The following IQCH variants were observed in gnomAD, a reference collection of about 807,000 sequenced individuals.
IQCH encodes the protein IQ motif containing H.
IQCH carries 98 observed loss-of-function variants against 117.0 expected under a neutral mutation model. The observed-to-expected ratio is 0.84, with a 90% CI of 0.71 to 0.99. The LOEUF (loss-of-function observed/expected upper bound fraction) is 0.99. IQCH is among the 50% of genes least tolerant of loss of function. The pLI is 0.00. For synonymous variants in IQCH, 412 were observed against 448.2 expected, an observed-to-expected ratio of 0.92 and a Z score of 1.02; for missense variants, 1,102 against 1,243.8, an observed-to-expected ratio of 0.89 and a Z score of 1.72.
rs974493934 is a variant in IQCH at position 67,447,287 on chromosome 15, CCTT to C, written c.2506-17839_2506-17837del. On this transcript the variant is annotated intron_variant, in intron 16 of 20. Coordinates refer to ENST00000335894, the MANE Select transcript of IQCH (RefSeq NM_001031715.3). This position sits in a 1 kb window ranked among gnomAD's most constrained non-coding sequence, Gnocchi z 5.3. The stretch of plus-strand genomic sequence containing the variant: ...CCTCTTTCCTTTCCCAAGTCTCCCT[CCTT>C]GAGTCTGTCCTACATGGTAGCTGCA... Among the ~76,000 whole-genome samples the C allele has an allele frequency of 2.4e-4, 36 of 152,210 alleles. No individual in the cohort carries two copies. Among genetic ancestry groups the C allele is most frequent in the African/African-American group, 8.7e-4 (36 of 41,460 alleles).
At position 67,400,874 on chromosome 15, in the gene IQCH, T is replaced by A. The variant is rs142589741; in HGVS notation, c.2097+569T>A. ...ATTGATTATGATAATTAGGAAGTAA[T>A]TTTTTTTATCACATTCAGGTAACAT... On this transcript the variant is annotated intron_variant, in intron 14 of 20. Transcript: ENST00000335894. Among the ~76,000 whole-genome samples the A allele has an allele frequency of 1.9e-3, 284 of 151,892 alleles. 1 individual carries two copies. Among genetic ancestry groups the A allele is most frequent in the Middle Eastern group, 6.8e-3 (2 of 294 alleles).
intron 16 of IQCH, among the ~76,000 whole-genome samples, chr15:67,440,136 C>T (rs1444862437): frequency 6.6e-6 from 1 of 152,004 alleles, no homozygotes; most frequent in Non-Finnish European, 1.5e-5. Flanking sequence ...GGATAAATTC[C>T]TGGAAAAATA....
In IQCH at chr15:67,417,648, T is replaced by A. The variant is rs2081610443; in HGVS notation, c.2218+597T>A. On this transcript the variant is annotated intron_variant, in intron 15 of 20. Coordinates refer to ENST00000335894, the MANE Select transcript of IQCH (RefSeq NM_001031715.3). The surrounding 1 kb of genome is among the most constrained non-coding windows in gnomAD (Gnocchi z 4.3). ...CTCCTCCTACTTCATCCTCATTTCCTAACAACATTGGGTGGTCTATGAATG... is the reference window on the plus strand; with the variant it reads ...CTCCTCCTACTTCATCCTCATTTCCAAACAACATTGGGTGGTCTATGAATG... Among the ~76,000 whole-genome samples the A allele has an allele frequency of 6.6e-6, 1 of 152,140 alleles. No individual in the cohort carries two copies. Among genetic ancestry groups the A allele is most frequent in the Non-Finnish European group, 1.5e-5 (1 of 68,026 alleles).
At chr15:67,286,109 C>T (rs2140490276) in intron 4 of IQCH, among the ~76,000 whole-genome samples, 1 of 152,200 alleles carries the variant, frequency 6.6e-6, no homozygotes, top group Non-Finnish European at 1.5e-5. Context: ...TTTTCAATTT[C>T]TTCCATTAAT....
intron 6 of IQCH, among the ~76,000 whole-genome samples, chr15:67,344,735 A>G (rs1969312859): frequency 6.6e-6 from 1 of 152,246 alleles, no homozygotes; most frequent in Non-Finnish European, 1.5e-5. Flanking sequence ...TACTGATGTT[A>G]TTTAACTAAA....
rs569369362 is a variant in IQCH, at chr15:67,323,309, C to G, written c.388-13666C>G. ...CCAGGCTGGAGTGCAGTGGTGCGATCTCGGCTCACTGCAAGCTCTGCCTCC... is the reference window on the plus strand; with the variant it reads ...CCAGGCTGGAGTGCAGTGGTGCGATGTCGGCTCACTGCAAGCTCTGCCTCC... On this transcript the variant is annotated intron_variant, in intron 4 of 20. Transcript: ENST00000335894. 1.9e-4 allele frequency among the ~76,000 whole-genome samples: 25 copies of G among 129,062 alleles called. 1 individual carries two copies. In the Admixed American group the frequency reaches 2.3e-3, roughly 12 times the overall value. 84.7% of individuals were successfully genotyped at this position (129,062 alleles called of 152,430 possible).
intron 1 of IQCH, among the ~76,000 whole-genome samples, chr15:67,257,082 G>T (rs1340457835): frequency 1.3e-5 from 2 of 152,160 alleles, no homozygotes; most frequent in African/African-American, 4.8e-5. Context: ...CTAGTGGAAA[G>T]CACTTGATAG....
At chr15:67,289,292 A>G (rs1966674827) in intron 4 of IQCH, among the ~76,000 whole-genome samples, 2 of 152,156 alleles carry the variant, frequency 1.3e-5, no homozygotes, top group African/African-American at 4.8e-5. Context: ...ATGGAAAAAG[A>G]GATTGGAGTA....
chr15:67,405,114 CCTT>C lies in IQCH; in HGVS notation c.2097+4810_2097+4812del, dbSNP rs1971834915. On this transcript the variant is annotated intron_variant, in intron 14 of 20. Coordinates refer to ENST00000335894, the MANE Select transcript of IQCH (RefSeq NM_001031715.3). The surrounding 1 kb of genome is among the most constrained non-coding windows in gnomAD (Gnocchi z 4.8). ...AGCAAGGGATATTCTTTTTTCATGT[CCTT>C]ATTATTTGTGTTTTATATCAAAAAT... The C allele has an allele frequency of 6.6e-6, 1 of 151,816 alleles. No individual in the cohort carries two copies. The highest frequency in any genetic ancestry group is 1.5e-5 in the Non-Finnish European group (1 of 67,934). The allele number at this position is 151,816 out of a possible 1,614,324, so 9.4% of individuals were successfully genotyped here.
At chr15:67,489,410 C>T (rs1438187165) in intron 18 of IQCH, among the ~76,000 whole-genome samples, 1 of 152,088 alleles carries the variant, frequency 6.6e-6, no homozygotes, top group African/African-American at 2.4e-5. Flanking sequence ...ACTGAAACCT[C>T]TGCCTCCCAG....
rs190242231 is a variant in IQCH at position 67,401,041 on chromosome 15, T to A, written c.2097+736T>A. Among the ~76,000 whole-genome samples the A allele has an allele frequency of 2.9e-4, 44 of 152,306 alleles. 2 individuals are homozygous for A. The East Asian group carries it at 2.9e-3, about 10-fold the overall frequency. ...CCTGGAAGCTAATGTATAATAGCAT[T>A]CTGTCAGCAGTCATGTGTTTTTGAA... On this transcript the variant is annotated intron_variant, in intron 14 of 20. Coordinates refer to ENST00000335894, the MANE Select transcript of IQCH (RefSeq NM_001031715.3). The surrounding 1 kb of genome is among the most constrained non-coding windows in gnomAD (Gnocchi z 4.7).
rs1412427272 is a variant in IQCH at position 67,474,052 on chromosome 15, G to A, written c.2677-1644G>A. 6.8e-6 allele frequency among the ~76,000 whole-genome samples: 1 copy of A among 146,240 alleles called. No individual in the cohort carries two copies. The highest frequency in any genetic ancestry group is 2.5e-5 in the African/African-American group (1 of 39,396). ...GTGTGAGGGGAGCATGTCACCAAAAGTGCCACGAAATCTGAGTGTGTGTGT... is the reference window on the plus strand; with the variant it reads ...GTGTGAGGGGAGCATGTCACCAAAAATGCCACGAAATCTGAGTGTGTGTGT... On this transcript the variant is annotated intron_variant, in intron 17 of 20. Coordinates refer to ENST00000335894, the MANE Select transcript of IQCH (RefSeq NM_001031715.3). This position sits in a 1 kb window ranked among gnomAD's most constrained non-coding sequence, Gnocchi z 4.1.
At chr15:67,418,325 G>T (rs889792339) in intron 15 of IQCH, among the ~76,000 whole-genome samples, 9 of 152,152 alleles carry the variant, frequency 5.9e-5, no homozygotes, top group African/African-American at 2.2e-4. Context: ...TTAAGCAAGG[G>T]GTTGAATGGC....
intron 3 of IQCH, among the ~76,000 whole-genome samples, chr15:67,278,089 A>G (rs1326577810): frequency 6.6e-6 from 1 of 152,120 alleles, no homozygotes; most frequent in South Asian, 2.1e-4. Context: ...CCTCCCCTTA[A>G]GTGAGAGAGG....
rs1248499742 is a variant in IQCH at position 67,453,123 on chromosome 15, C to T, written c.2506-12004C>T. Among the ~76,000 whole-genome samples, 3 of 152,236 alleles carry T rather than the reference C, an allele frequency of 2.0e-5. No homozygotes were observed. Among genetic ancestry groups the T allele is most frequent in the South Asian group, 2.1e-4 (1 of 4,828 alleles). On this transcript the variant is annotated intron_variant, in intron 16 of 20. Transcript: ENST00000335894. This position sits in a 1 kb window ranked among gnomAD's most constrained non-coding sequence, Gnocchi z 5.8. ...GCATTGGTTATTCTAGTTATCCATTCGTCTAATTTTTTTTCAAAGCTTTTA... is the reference window on the plus strand; with the variant it reads ...GCATTGGTTATTCTAGTTATCCATTTGTCTAATTTTTTTTCAAAGCTTTTA...
Position 67,359,762 on chromosome 15 carries a change from G to T in IQCH, c.715-85G>T. On this transcript the variant is annotated intron_variant, in intron 7 of 20. Coordinates refer to ENST00000335894, the MANE Select transcript of IQCH (RefSeq NM_001031715.3). This position sits in a 1 kb window ranked among gnomAD's most constrained non-coding sequence, Gnocchi z 4.5. ...CCCAGCGGGTAAAATGGGGAAGGGG[G>T]TGAGGCTCTGAGCCTTCTATTTGTT... 3.4e-6 allele frequency: 4 copies of T among 1,177,730 alleles called. No individual in the cohort carries two copies. Among genetic ancestry groups the T allele is most frequent in the Admixed American group, 3.4e-5 (2 of 59,104 alleles). 73.0% of individuals were successfully genotyped at this position (1,177,730 alleles called of 1,614,324 possible).
At chr15:67,260,038 C>A (rs1282689660) in intron 1 of IQCH, among the ~76,000 whole-genome samples, 4 of 152,182 alleles carry the variant, frequency 2.6e-5, no homozygotes, top group Admixed American at 1.3e-4. Flanking sequence ...ATCAGTAATG[C>A]AGGCTGGATC....
rs4625677 is a variant in IQCH at position 67,496,790 on chromosome 15, T to G, written c.2970+2424T>G. ...TCCCAGCACTTTGGGAGGCCGAGGC[T>G]GGTGGATCATGAGGTCAGGAGATCG... On this transcript the variant is annotated intron_variant, in intron 20 of 20. Coordinates refer to ENST00000335894, the MANE Select transcript of IQCH (RefSeq NM_001031715.3). The surrounding 1 kb of genome is among the most constrained non-coding windows in gnomAD (Gnocchi z 4.4). Among the ~76,000 whole-genome samples, 151,311 of 151,662 alleles carry G rather than the reference T, an allele frequency of 1. 75,481 individuals are homozygous for G. Among genetic ancestry groups the G allele is most frequent in the Middle Eastern group, 1 (294 of 294 alleles).
At position 67,501,549 on chromosome 15, in the gene IQCH, C is replaced by CT. The variant is rs564885494; in HGVS notation, c.*804dup. 53 of 152,188 alleles carry CT rather than the reference C, an allele frequency of 3.5e-4. No individual in the cohort carries two copies. Among genetic ancestry groups the CT allele is most frequent in the Non-Finnish European group, 6.9e-4 (47 of 68,032 alleles). The allele number at this position is 152,188 out of a possible 1,614,324, so 9.4% of individuals were successfully genotyped here. A position where few individuals can be genotyped will look rare whatever the true frequency, so the allele number is the denominator to read the frequency against. On this transcript the variant is annotated 3_prime_UTR_variant, in exon 21 of 21. Coordinates refer to ENST00000335894, the MANE Select transcript of IQCH (RefSeq NM_001031715.3). The surrounding 1 kb of genome is among the most constrained non-coding windows in gnomAD (Gnocchi z 5.2). ...TGTTAAGATTGTAGTAGTGCTGACT[C>CT]TAACTTTCAGCATTCACTTCATAAT... is the stretch of plus-strand genomic sequence containing the variant.
Sources: allele counts gnomAD v4.1 joint callset (sites outside exome capture counted in the v4.1 genomes callset), GRCh38; gene constraint gnomAD v4.1.1; non-coding constraint Gnocchi (gnomAD v3.1); transcripts MANE v1.5; gene names NCBI Gene and HGNC (gene_info 2026-07-23, HGNC 2026-07-21).